Variants in ACVR1 observed in about 807,000 individuals in gnomAD.
ACVR1 encodes activin receptor type-1.
In ACVR1, 38 loss-of-function variants were observed where a neutral mutation model predicts 57.1. That is an observed-to-expected ratio of 0.67 (90% CI 0.51 to 0.87). The LOEUF (loss-of-function observed/expected upper bound fraction) is 0.87. Among genes scored for constraint, ACVR1 ranks in the 40% least tolerant of loss-of-function variants. The pLI is 0.00. For synonymous variants in ACVR1, 212 were observed against 228.1 expected, an observed-to-expected ratio of 0.93 and a Z score of 0.63; for missense variants, 463 against 638.2, an observed-to-expected ratio of 0.73 and a Z score of 2.96.
intron 9 of ACVR1, among the ~76,000 whole-genome samples, chr2:157,753,458 G>A (rs898944125): frequency 1.3e-5 from 2 of 152,174 alleles, no homozygotes; most frequent in East Asian, 3.9e-4. Context: ...AATCTGGGAG[G>A]TGGAGGTTGC....
At chr2:157,769,310 G>C (rs1036078411) in intron 7 of ACVR1, among the ~76,000 whole-genome samples, 8 of 152,180 alleles carry the variant, frequency 5.3e-5, no homozygotes, top group African/African-American at 1.9e-4. Flanking sequence ...CAAAGACACT[G>C]AACAGAATGA....
chr2:157,773,423 A>G (rs149772942), intron 6 of ACVR1, among the ~76,000 whole-genome samples: 13 of 152,374 alleles, frequency 8.5e-5, no homozygotes, highest in African/African-American at 3.1e-4. Flanking sequence ...GTATGGTTAT[A>G]GTTACACTAT....
chr2:157,773,952 A>T, intron 6 of ACVR1, 136 bp downstream of exon 6: 1 of 729,180 alleles, frequency 1.4e-6, no homozygotes, highest in Non-Finnish European at 2.3e-6. Context: ...AGTCATACAG[A>T]ATAGAGACCA....
chr2:157,797,796 G>A (rs1687174985), intron 3 of ACVR1, among the ~76,000 whole-genome samples: 1 of 152,140 alleles, frequency 6.6e-6, no homozygotes, highest in Non-Finnish European at 1.5e-5. Flanking sequence ...GGGCCTGAAT[G>A]TTTGTGTCTC....
intron 1 of ACVR1, among the ~76,000 whole-genome samples, chr2:157,857,086 T>C (rs1033960938): frequency 2.0e-5 from 3 of 152,034 alleles, no homozygotes; most frequent in Admixed American, 6.5e-5. Flanking sequence ...TAGTCTCAGC[T>C]ATTCAGGAGG....
At chr2:157,821,396 G>C (rs943544958) in intron 1 of ACVR1, among the ~76,000 whole-genome samples, 6 of 152,036 alleles carry the variant, frequency 3.9e-5, no homozygotes, top group African/African-American at 1.4e-4. Flanking sequence ...GTGGTGGCAG[G>C]CACCTGTAAT....
intron 1 of ACVR1, among the ~76,000 whole-genome samples, chr2:157,862,028 G>A (rs1322813954): frequency 6.6e-6 from 1 of 152,140 alleles, no homozygotes; most frequent in East Asian, 1.9e-4. Context: ...AATGTGGAAA[G>A]GGTAAAATAC....
At chr2:157,798,786 CA>C (rs1186044569) in intron 3 of ACVR1, among the ~76,000 whole-genome samples, 1 of 152,166 alleles carries the variant, frequency 6.6e-6, no homozygotes, top group Non-Finnish European at 1.5e-5. Context: ...CATTGGCCTC[CA>C]AAAGTGCTGG....
intron 9 of ACVR1, among the ~76,000 whole-genome samples, chr2:157,755,531 AC>A (rs2105243062): frequency 1.4e-5 from 1 of 70,648 alleles, no homozygotes; most frequent in African/African-American, 9.7e-5. Flanking sequence ...ATAATACCAT[AC>A]CATACCATAC....
At chr2:157,758,848 A>C (rs1437400817) in intron 9 of ACVR1, among the ~76,000 whole-genome samples, 2 of 152,084 alleles carry the variant, frequency 1.3e-5, no homozygotes, top group East Asian at 3.8e-4. Context: ...GAAACTCTGG[A>C]AACTGTACAA....
At position 157,833,986 on chromosome 2, in the gene ACVR1, C is replaced by T. The variant is rs1688683554; in HGVS notation, c.-182-15427G>A. ...AACTGAGTCTCTTAGAACTTCTAACCAAATTTAGACTGGTTTAACACAACC... is the reference window on the plus strand; with the variant it reads ...AACTGAGTCTCTTAGAACTTCTAACTAAATTTAGACTGGTTTAACACAACC... On this transcript the variant is annotated intron_variant, in intron 1 of 10. Transcript: ENST00000434821. Among the ~76,000 whole-genome samples the T allele has an allele frequency of 2.6e-5, 4 of 152,274 alleles. No individual in the cohort carries two copies. In the South Asian group the frequency reaches 8.3e-4, roughly 32 times the overall value.
intron 1 of ACVR1, among the ~76,000 whole-genome samples, chr2:157,851,900 CACACACACA>C (rs1689322197): frequency 2.5e-5 from 1 of 39,248 alleles, no homozygotes; most frequent in African/African-American, 1.0e-4. Flanking sequence ...CACACACACA[CACACACACA>C]CCACCCCCAC....
At chr2:157,818,829 A>T (rs557691707) in intron 1 of ACVR1, among the ~76,000 whole-genome samples, 9 of 152,238 alleles carry the variant, frequency 5.9e-5, no homozygotes, top group Non-Finnish European at 1.2e-4. Flanking sequence ...CTGTAATCCC[A>T]GCACTTTGGG....
intron 3 of ACVR1, among the ~76,000 whole-genome samples, chr2:157,786,931 T>C (rs1686733952): frequency 6.6e-6 from 1 of 152,014 alleles, no homozygotes; most frequent in Non-Finnish European, 1.5e-5. Context: ...GCACCTTCAA[T>C]AGGGAGTGGG....
intron 1 of ACVR1, among the ~76,000 whole-genome samples, chr2:157,852,878 C>T (rs930108397): frequency 1.3e-5 from 2 of 152,118 alleles, no homozygotes; most frequent in African/African-American, 4.8e-5. Context: ...GCTGTACCAA[C>T]CTGCTGACCG....
At chr2:157,830,775 T>C (rs1688554861) in intron 1 of ACVR1, among the ~76,000 whole-genome samples, 2 of 151,984 alleles carry the variant, frequency 1.3e-5, no homozygotes, top group Admixed American at 1.3e-4. Context: ...CAGAGAATTA[T>C]TCCCAAGATG....
At chr2:157,839,254 C>G (rs1416876611) in intron 1 of ACVR1, among the ~76,000 whole-genome samples, 1 of 152,140 alleles carries the variant, frequency 6.6e-6, no homozygotes, top group Non-Finnish European at 1.5e-5. Context: ...TGGCCTCTCT[C>G]GGGTCTCGCC....
rs1230228237 is a variant in ACVR1, at chr2:157,801,531, C to G, written c.-7-2031G>C. Among the ~76,000 whole-genome samples the G allele has an allele frequency of 1.6e-4, 25 of 152,152 alleles. 1 individual carries two copies. The highest frequency in any genetic ancestry group is 1.6e-3 in the Admixed American group (25 of 15,262). The stretch of plus-strand genomic sequence containing the variant: ...GAAAAGTAGTAATATTCAGTTCAAT[C>G]TGACATGAAACAATCTCCCCAAATT... On this transcript the variant is annotated intron_variant, in intron 2 of 10. Transcript: ENST00000434821.
At chr2:157,744,903 T>C (rs1488713180) in intron 9 of ACVR1, among the ~76,000 whole-genome samples, 1 of 152,194 alleles carries the variant, frequency 6.6e-6, no homozygotes, top group Non-Finnish European at 1.5e-5. Context: ...GGCATTCCTG[T>C]AACTCATGGC....
Sources: allele counts gnomAD v4.1 joint callset (sites outside exome capture counted in the v4.1 genomes callset), GRCh38; gene constraint gnomAD v4.1.1; transcripts MANE v1.5; gene names NCBI Gene and HGNC (gene_info 2026-07-23, HGNC 2026-07-21).